Variants in RTL4 observed in about 807,000 individuals in gnomAD.
RTL4 encodes the protein retrotransposon Gag-like protein 4.
RTL4 carries 4 observed loss-of-function variants against 5.3 expected under a neutral mutation model. The observed-to-expected ratio is 0.75, with a 90% CI of 0.37 to 1.72. The LOEUF is 1.72. Among genes scored for constraint, RTL4 ranks in the 40% most tolerant of loss-of-function variants. RTL4 has a pLI of 0.04. For synonymous variants in RTL4, 98 were observed against 87.3 expected (o/e 1.12, Z -0.68); for missense variants, 260 against 227.1 (o/e 1.14, Z -0.93).
At chrX:112,374,038 A>C in the RTL4 span, among the ~76,000 whole-genome samples, 1 of 111,144 alleles carries the variant, frequency 9.0e-6, no homozygotes, top group Non-Finnish European at 1.9e-5. Context: ...GAAATTTATC[A>C]ATCATTTCCT....
the RTL4 span, among the ~76,000 whole-genome samples, chrX:112,311,375 A>T: frequency 9.0e-6 from 1 of 111,087 alleles, no homozygotes. Flanking sequence ...CTGTACTTCT[A>T]AAAGTGCCCT....
chrX:112,326,077 C>T, the RTL4 span, among the ~76,000 whole-genome samples: 1 of 111,970 alleles, frequency 8.9e-6, no homozygotes, highest in Non-Finnish European at 1.9e-5. Flanking sequence ...CAGAGAAATG[C>T]AAATCAAAAC....
the RTL4 span, among the ~76,000 whole-genome samples, chrX:112,393,147 C>CTTTTTTTTTTTTTTTTTTTT: frequency 3.7e-5 from 3 of 81,485 alleles, no homozygotes; most frequent in African/African-American, 5.1e-5. Context: ...TTCTTTCTTT[C>CTTTTTTTTTTTTTTTTTTTT]TTTTTTTTTT....
At chrX:112,390,109 ATATATATATATATATATATATATATAT>A in the RTL4 span, among the ~76,000 whole-genome samples, 1 of 1,366 alleles carries the variant, frequency 7.3e-4, no homozygotes, top group African/African-American at 1.9e-3. Flanking sequence ...TATATATAAT[ATATATATATATATATATATATATATAT>A]ATATATATAT....
At chrX:112,456,216 A>G (rs1926841792) in exon 1 of RTL4, 1 of 306,644 alleles carries the variant, frequency 3.3e-6, no homozygotes. Context: ...TACCTTCAGC[A>G]TAAATCAACC....
chrX:112,244,916 C>A, the RTL4 span, among the ~76,000 whole-genome samples: 1 of 111,755 alleles, frequency 8.9e-6, no homozygotes, highest in Non-Finnish European at 1.9e-5. Flanking sequence ...TCAGCATTTG[C>A]TTGTCTGTAA....
chrX:112,224,102 T>C, the RTL4 span, among the ~76,000 whole-genome samples: 4 of 110,886 alleles, frequency 3.6e-5, no homozygotes, highest in African/African-American at 1.3e-4. Flanking sequence ...CCATAATTGG[T>C]CCTTATTGTC....
the RTL4 span, among the ~76,000 whole-genome samples, chrX:112,414,438 G>A: frequency 9.0e-6 from 1 of 111,357 alleles, no homozygotes; most frequent in African/African-American, 3.3e-5. Context: ...AGGCTCTAAT[G>A]CTCTCTTGTA....
At chrX:112,437,652 C>A in the RTL4 span, among the ~76,000 whole-genome samples, 9 of 111,236 alleles carry the variant, frequency 8.1e-5, no homozygotes, top group African/African-American at 2.9e-4. Flanking sequence ...AAGCCACTAA[C>A]CTTTCAGAAT....
At chrX:112,395,825 C>T in the RTL4 span, among the ~76,000 whole-genome samples, 1 of 111,338 alleles carries the variant, frequency 9.0e-6, no homozygotes, top group Non-Finnish European at 1.9e-5. Context: ...CACCATTTCA[C>T]TAGCATGTCC....
the RTL4 span, among the ~76,000 whole-genome samples, chrX:112,348,150 G>T: frequency 6.4e-5 from 7 of 110,182 alleles, no homozygotes; most frequent in Non-Finnish European, 1.3e-4. Flanking sequence ...CTCACTAGTT[G>T]ATATTAACTC....
the RTL4 span, among the ~76,000 whole-genome samples, chrX:112,268,964 C>T: frequency 1.8e-5 from 2 of 112,221 alleles, no homozygotes; most frequent in East Asian, 2.8e-4. Flanking sequence ...TCCTTCCTGC[C>T]GTTTGAATGC....
chrX:112,339,197 A>G, the RTL4 span, among the ~76,000 whole-genome samples: 1 of 112,391 alleles, frequency 8.9e-6, no homozygotes, highest in Non-Finnish European at 1.9e-5. Context: ...GGTTGAAGAC[A>G]TCAGAGGCTT....
the RTL4 span, among the ~76,000 whole-genome samples, chrX:112,326,985 C>T: frequency 9.0e-6 from 1 of 111,702 alleles, no homozygotes; most frequent in African/African-American, 3.3e-5. Context: ...GAAAGGACAT[C>T]CACACCAAAA....
chrX:112,166,603 G>T, the RTL4 span, among the ~76,000 whole-genome samples: 20 of 111,577 alleles, frequency 1.8e-4, no homozygotes, highest in Non-Finnish European at 5.7e-5. Flanking sequence ...ATGCTTAGGG[G>T]GTTTCTCTTT....
chrX:112,106,221 T>C, the RTL4 span, among the ~76,000 whole-genome samples: 1 of 112,260 alleles, frequency 8.9e-6, no homozygotes, highest in South Asian at 3.6e-4. Flanking sequence ...GGGATGAATC[T>C]CACTTGATAA....
At chrX:112,339,621 A>G in the RTL4 span, among the ~76,000 whole-genome samples, 1 of 112,747 alleles carries the variant, frequency 8.9e-6, no homozygotes, top group East Asian at 2.8e-4. Context: ...AATATTTAAC[A>G]ACCACCACAT....
the RTL4 span, among the ~76,000 whole-genome samples, chrX:112,115,929 C>A: frequency 1.8e-5 from 2 of 112,185 alleles, no homozygotes; most frequent in African/African-American, 6.5e-5. Flanking sequence ...GAGTTCCTCT[C>A]ATGGCTGCAG....
At chrX:112,419,836 C>T in the RTL4 span, among the ~76,000 whole-genome samples, 8 of 107,634 alleles carry the variant, frequency 7.4e-5, no homozygotes, top group Admixed American at 8.1e-4. Flanking sequence ...CTACCATATG[C>T]CATGAAAGAA....
Sources: gnomAD v4.1 joint callset for allele counts (sites outside exome capture counted in the v4.1 genomes callset) on GRCh38, gnomAD v4.1.1 for gene constraint, MANE v1.5 for transcripts, NCBI Gene and HGNC (gene_info 2026-07-23, HGNC 2026-07-21) for gene names.